The following NAALADL2 variants were observed in gnomAD, a reference collection of about 807,000 sequenced individuals.
The protein encoded by NAALADL2 is inactive N-acetylated-alpha-linked acidic dipeptidase-like protein 2.
NAALADL2 carries 76 observed loss-of-function variants against 87.2 expected under a neutral mutation model. The observed-to-expected ratio is 0.87, with a 90% confidence interval of 0.72 to 1.05. The LOEUF (loss-of-function observed/expected upper bound fraction) is 1.05, where lower values mean the gene tolerates loss of function less well. Ranked by LOEUF, NAALADL2 falls within the 50% of genes least tolerant of loss-of-function variation. The pLI is 0.00. For missense variants in NAALADL2, 1,089 were observed against 945.8 expected, an observed-to-expected ratio of 1.15 and a Z score of -1.99; for synonymous variants, 354 against 331.0, an observed-to-expected ratio of 1.07 and a Z score of -0.75.
At chr3:175,490,707 T>G (rs1043095002) in intron 9 of NAALADL2, among the ~76,000 whole-genome samples, 1 of 151,904 alleles carries the variant, frequency 6.6e-6, no homozygotes, top group East Asian at 1.9e-4. Flanking sequence ...AAGTAACTAT[T>G]TGTATGGAAA....
intron 2 of NAALADL2, among the ~76,000 whole-genome samples, chr3:174,704,352 G>T (rs979375705): frequency 4.6e-5 from 7 of 152,038 alleles, no homozygotes; most frequent in Admixed American, 1.3e-4. Context: ...ATGACAAGGG[G>T]TTTCTATTAC....
chr3:175,154,597 C>A (rs11706437), intron 2 of NAALADL2, among the ~76,000 whole-genome samples: 45,499 of 152,010 alleles, frequency 0.3, 7,043 homozygotes, highest in South Asian at 0.35. Flanking sequence ...TGTGTGTATA[C>A]TTGCTTGTTT....
At chr3:174,802,096 A>G (rs1718911187) in intron 3 of NAALADL2, among the ~76,000 whole-genome samples, 1 of 152,178 alleles carries the variant, frequency 6.6e-6, no homozygotes, top group South Asian at 2.1e-4. Context: ...ATGTCAGTCT[A>G]TGTCCACACT....
chr3:175,097,264 A>T lies in NAALADL2; in HGVS notation c.518A>T (p.Gln173Leu). ...QLYQEILKTI[Q>L]AEDIKKSFRN... Reference sequence around the variant, plus strand: ...TATCAAGAGATTCTCAAGACAATCCAGGCAGAAGATATTAAGAAGTCTTTC... The same window carrying T: ...TATCAAGAGATTCTCAAGACAATCCTGGCAGAAGATATTAAGAAGTCTTTC... The change falls in exon 2 of 14, where the codon CAG (glutamine) becomes CTG (leucine). Residue 173 changes from glutamine to leucine, a missense_variant. Gln to Leu is a moderately radical substitution (Grantham distance 113). Transcript: ENST00000454872. The T allele has an allele frequency of 2.5e-6, 4 of 1,611,106 alleles. No homozygotes were observed. In the South Asian group the frequency reaches 3.3e-5, roughly 13 times the overall value.
chr3:174,444,030 ATGG>A (rs1714862633), intron 1 of NAALADL2, among the ~76,000 whole-genome samples: 4 of 152,110 alleles, frequency 2.6e-5, no homozygotes, highest in Admixed American at 1.3e-4. Context: ...GAGGGAGGAA[ATGG>A]AGCGTTAGTT....
chr3:174,452,523 A>T lies in NAALADL2; in HGVS notation c.-184+11491A>T, dbSNP rs7643292. On this transcript the variant is annotated intron_variant, in intron 1 of 3. Transcript: ENST00000434257. ...TTTATCTGGCACCACCCATCGGTGT[A>T]TAGTGACTGGTGGTCTGAGAGTACC... Among the ~76,000 whole-genome samples, 3 of 151,382 alleles carry T rather than the reference A, an allele frequency of 2.0e-5. No homozygotes were observed. In the East Asian group the frequency reaches 5.9e-4, roughly 30 times the overall value.
At chr3:175,258,113 C>T (rs144558069) in intron 4 of NAALADL2, among the ~76,000 whole-genome samples, 4,907 of 152,110 alleles carry the variant, frequency 0.032, 263 homozygotes, top group African/African-American at 0.11. Flanking sequence ...TTGAGACCAT[C>T]TTGGCCAACA....
At chr3:175,046,672 A>T (rs943901266) in intron 1 of NAALADL2, among the ~76,000 whole-genome samples, 1 of 152,220 alleles carries the variant, frequency 6.6e-6, no homozygotes, top group Non-Finnish European at 1.5e-5. Context: ...GGAACTCAGC[A>T]TATACAAAGG....
At chr3:175,608,828 T>C (rs1345162927) in intron 10 of NAALADL2, among the ~76,000 whole-genome samples, 1 of 152,160 alleles carries the variant, frequency 6.6e-6, no homozygotes, top group Admixed American at 6.5e-5. Flanking sequence ...AAATTGCAAA[T>C]GTTACCGTTT....
At chr3:174,814,365 C>A (rs1579043615) in intron 3 of NAALADL2, among the ~76,000 whole-genome samples, 1 of 152,112 alleles carries the variant, frequency 6.6e-6, no homozygotes, top group African/African-American at 2.4e-5. Flanking sequence ...CCTCAGCCTC[C>A]CAAAGTGCTG....
At chr3:175,148,870 TA>T (rs1731154604) in intron 2 of NAALADL2, among the ~76,000 whole-genome samples, 1 of 152,180 alleles carries the variant, frequency 6.6e-6, no homozygotes, top group Admixed American at 6.6e-5. Context: ...TGAAGTCAGG[TA>T]ACGTGATACA....
intron 5 of NAALADL2, among the ~76,000 whole-genome samples, chr3:175,373,022 G>T (rs967038052): frequency 6.6e-6 from 1 of 152,110 alleles, no homozygotes; most frequent in Non-Finnish European, 1.5e-5. Flanking sequence ...TTTTGTTCAG[G>T]CAGCCTCAGA....
intron 1 of NAALADL2, among the ~76,000 whole-genome samples, chr3:174,516,923 T>C (rs76772791): frequency 6.6e-6 from 1 of 151,922 alleles, no homozygotes; most frequent in Non-Finnish European, 1.5e-5. Flanking sequence ...AAAAAATAAA[T>C]GACTTTCAAA....
At chr3:175,349,037 T>C (rs1250484803) in intron 5 of NAALADL2, among the ~76,000 whole-genome samples, 1 of 152,048 alleles carries the variant, frequency 6.6e-6, no homozygotes, top group Non-Finnish European at 1.5e-5. Flanking sequence ...ACATACATAG[T>C]TGAGTTTCTT....
At chr3:175,632,269 TC>T (rs1727879523) in intron 11 of NAALADL2, among the ~76,000 whole-genome samples, 148 of 47,946 alleles carry the variant, frequency 3.1e-3, no homozygotes, top group African/African-American at 4.5e-3. Flanking sequence ...TTTCCCCTTC[TC>T]TCTCTCTCTC....
At chr3:175,350,939 CT>C (rs1206261328) in intron 5 of NAALADL2, among the ~76,000 whole-genome samples, 1 of 151,854 alleles carries the variant, frequency 6.6e-6, no homozygotes, top group Admixed American at 6.6e-5. Context: ...TATCCTGGTA[CT>C]TTTTTTCATT....
intron 10 of NAALADL2, among the ~76,000 whole-genome samples, chr3:175,585,320 C>T (rs1215886382): frequency 6.6e-6 from 1 of 152,032 alleles, no homozygotes; most frequent in Non-Finnish European, 1.5e-5. Context: ...CATCATTGAC[C>T]AACATGTTAT....
chr3:175,252,606 A>T (rs533714166), intron 3 of NAALADL2, among the ~76,000 whole-genome samples: 19 of 152,276 alleles, frequency 1.2e-4, no homozygotes, highest in African/African-American at 4.3e-4. Flanking sequence ...CATGTCTCTC[A>T]CTTTCAATAA....
chr3:174,754,388 T>C (rs1454903401), intron 3 of NAALADL2, among the ~76,000 whole-genome samples: 2 of 152,104 alleles, frequency 1.3e-5, no homozygotes, highest in Non-Finnish European at 2.9e-5. Context: ...TAGAAATTCA[T>C]TATTTTTTGT....
Sources: allele counts gnomAD v4.1 joint callset (sites outside exome capture counted in the v4.1 genomes callset), GRCh38; gene constraint gnomAD v4.1.1; transcripts MANE v1.5; gene names NCBI Gene and HGNC (gene_info 2026-07-23, HGNC 2026-07-21).